The following SLC25A13 variants were observed in gnomAD, a reference collection of about 807,000 sequenced individuals.
The protein encoded by SLC25A13 is solute carrier family 25 member 13.
A neutral mutation model predicts 85.5 loss-of-function variants in SLC25A13; 70 were observed. The ratio of observed to expected loss-of-function variants is 0.82; its 90% CI spans 0.68 to 1.00. The LOEUF is 1.00. SLC25A13 is among the 50% of genes least tolerant of loss of function. The pLI is 0.00. For synonymous variants in SLC25A13, 259 were observed against 288.7 expected (o/e 0.90, Z 1.04); for missense variants, 765 against 819.8 (o/e 0.93, Z 0.82).
At chr7:96,140,525 C>G (rs1342636394) in intron 14 of SLC25A13, among the ~76,000 whole-genome samples, 27 of 150,886 alleles carry the variant, frequency 1.8e-4, no homozygotes, top group Non-Finnish European at 1.2e-4. Flanking sequence ...CTGCCTCAGT[C>G]TCCCAAGTAG....
chr7:96,316,210 G>A (rs1459562678), intron 1 of SLC25A13, among the ~76,000 whole-genome samples: 3 of 152,110 alleles, frequency 2.0e-5, no homozygotes, highest in African/African-American at 7.2e-5. Flanking sequence ...ACAACTCTGT[G>A]CATATATTGA....
rs1267283721 is a variant in SLC25A13, at chr7:96,121,182, C to G, written c.*9G>C. On this transcript the variant is annotated 3_prime_UTR_variant, in exon 18 of 18. Transcript: ENST00000265631. Reference sequence around the variant, plus strand: ...ACAAAAAGACAGCACTATCCCAGGGCTGATCTTCCTATGGGCCTCCACCAA... The same window carrying G: ...ACAAAAAGACAGCACTATCCCAGGGGTGATCTTCCTATGGGCCTCCACCAA... 3.1e-6 allele frequency: 5 copies of G among 1,613,964 alleles called. No homozygotes were observed. The highest frequency in any genetic ancestry group is 1.3e-5 in the African/African-American group (1 of 74,918).
chr7:96,186,091 T>C (rs1794633224), intron 9 of SLC25A13, among the ~76,000 whole-genome samples: 1 of 152,010 alleles, frequency 6.6e-6, no homozygotes, highest in Admixed American at 6.6e-5. Flanking sequence ...AATAGAGAGA[T>C]GTTTAGTAAT....
chr7:96,159,528 A>G (rs1359295512), intron 13 of SLC25A13, among the ~76,000 whole-genome samples: 1 of 152,170 alleles, frequency 6.6e-6, no homozygotes, highest in East Asian at 1.9e-4. Context: ...GCCTCAGAAG[A>G]AACCAAAACT....
intron 1 of SLC25A13, among the ~76,000 whole-genome samples, chr7:96,311,216 CTTAAGATAACA>C (rs1799936617): frequency 6.6e-6 from 1 of 152,128 alleles, no homozygotes; most frequent in African/African-American, 2.4e-5. Context: ...AGCTGGTGGA[CTTAAGATAACA>C]ACATCTGAAA....
chr7:96,149,789 C>T (rs1252710919), intron 13 of SLC25A13, among the ~76,000 whole-genome samples: 1 of 152,186 alleles, frequency 6.6e-6, no homozygotes. Context: ...CAGCACACTG[C>T]GTGCCGCTCT....
chr7:96,173,904 G>C (rs1022904490), intron 11 of SLC25A13, among the ~76,000 whole-genome samples: 3 of 152,220 alleles, frequency 2.0e-5, no homozygotes, highest in African/African-American at 7.2e-5. Flanking sequence ...ACAGTCTTTA[G>C]AGAAGAGGGG....
At chr7:96,297,082 C>G in intron 1 of SLC25A13, 131 bp from the exon 2 acceptor site, 1 of 810,366 alleles carries the variant, frequency 1.2e-6, no homozygotes, top group Non-Finnish European at 2.1e-6. Flanking sequence ...CCATGTTGCC[C>G]CAGTGCATAA....
At chr7:96,235,797 G>A (rs1001174943) in intron 3 of SLC25A13, among the ~76,000 whole-genome samples, 1 of 152,152 alleles carries the variant, frequency 6.6e-6, no homozygotes, top group African/African-American at 2.4e-5. Flanking sequence ...TAGGAAAAAG[G>A]AGTGACTTTA....
Position 96,196,335 on chromosome 7 carries a change from A to G in SLC25A13, c.469-3152T>C, listed in dbSNP as rs868673010. ...TAGAAGGTATGTTCAGCGATTTACC[A>G]TTTTCCCTAGTTTATAACTCAACAT... On this transcript the variant is annotated intron_variant, in intron 5 of 17. Coordinates refer to ENST00000265631, the MANE Select transcript of SLC25A13 (RefSeq NM_014251.3). 9.2e-5 allele frequency among the ~76,000 whole-genome samples: 14 copies of G among 152,328 alleles called. No homozygotes were observed. The Middle Eastern group carries it at 0.014, about 148-fold the overall frequency.
intron 13 of SLC25A13, among the ~76,000 whole-genome samples, chr7:96,149,391 T>TGGC (rs1792929482): frequency 1.3e-5 from 2 of 152,202 alleles, no homozygotes; most frequent in Non-Finnish European, 2.9e-5. Flanking sequence ...CTGGTAAAAG[T>TGGC]TGCTAGCATT....
intron 4 of SLC25A13, among the ~76,000 whole-genome samples, chr7:96,217,830 T>C (rs1795952155): frequency 2.0e-5 from 3 of 151,540 alleles, no homozygotes; most frequent in Admixed American, 2.0e-4. Context: ...TGTACAAATC[T>C]GTGAATATAT....
intron 9 of SLC25A13, among the ~76,000 whole-genome samples, chr7:96,186,340 A>T (rs1244570877): frequency 3.3e-5 from 5 of 152,114 alleles, no homozygotes; most frequent in Non-Finnish European, 5.9e-5. Context: ...GAGGCAGGAG[A>T]ATCACTTGAA....
intron 1 of SLC25A13, among the ~76,000 whole-genome samples, chr7:96,318,268 T>C (rs960814058): frequency 6.6e-6 from 1 of 152,206 alleles, no homozygotes; most frequent in African/African-American, 2.4e-5. Context: ...GTTAATTACA[T>C]CATTCGTAAC....
At chr7:96,136,716 T>G (rs1792302429) in intron 14 of SLC25A13, among the ~76,000 whole-genome samples, 1 of 152,126 alleles carries the variant, frequency 6.6e-6, no homozygotes, top group South Asian at 2.1e-4. Context: ...CTAAACAGAC[T>G]ATTTCTAATA....
Position 96,121,160 on chromosome 7 carries a change from A to G in SLC25A13, c.*31T>C. ...GATGTTCTTTACTGCAGTACCCACA[A>G]AAAGACAGCACTATCCCAGGGCTGA... On this transcript the variant is annotated 3_prime_UTR_variant, in exon 18 of 18. Transcript: ENST00000265631. 3 of 1,611,748 alleles carry G rather than the reference A, an allele frequency of 1.9e-6. No individual in the cohort carries two copies. Among genetic ancestry groups the G allele is most frequent in the Non-Finnish European group, 2.5e-6 (3 of 1,177,820 alleles).
intron 3 of SLC25A13, among the ~76,000 whole-genome samples, chr7:96,268,456 C>T (rs1461882969): frequency 6.6e-6 from 1 of 152,152 alleles, no homozygotes; most frequent in Admixed American, 6.6e-5. Context: ...GTCCCACCTC[C>T]TCCTCAAATG....
chr7:96,219,807 C>T (rs542183520), intron 4 of SLC25A13: 30 of 525,872 alleles, frequency 5.7e-5, no homozygotes, highest in South Asian at 4.3e-4. Flanking sequence ...AAGATTCATA[C>T]ACTATTTAAG....
chr7:96,212,310 T>C (rs1795730757), intron 4 of SLC25A13, among the ~76,000 whole-genome samples: 1 of 152,158 alleles, frequency 6.6e-6, no homozygotes, highest in South Asian at 2.1e-4. Flanking sequence ...ACCTTCTAAG[T>C]AGCACAGCTT....
Sources: gnomAD v4.1 joint callset for allele counts (sites outside exome capture counted in the v4.1 genomes callset) on GRCh38, gnomAD v4.1.1 for gene constraint, MANE v1.5 for transcripts, NCBI Gene and HGNC (gene_info 2026-07-23, HGNC 2026-07-21) for gene names.